Variants in FAAH2 observed in about 807,000 individuals in gnomAD.
FAAH2 encodes fatty acid amide hydrolase 2.
In FAAH2, 60 loss-of-function variants were observed where a neutral mutation model predicts 36.9. That is an observed-to-expected ratio of 1.63 (90% CI 1.32 to 2.02). The LOEUF (loss-of-function observed/expected upper bound fraction) is 2.02, where lower values mean the gene tolerates loss of function less well. Among genes scored for constraint, FAAH2 ranks in the 30% most tolerant of loss-of-function variants. The pLI is 0.00. For synonymous variants in FAAH2, 214 were observed against 143.8 expected (o/e 1.49, Z -3.49); for missense variants, 689 against 397.5 (o/e 1.73, Z -6.23).
chrX:57,311,021 G>T (rs2052677009), intron 3 of FAAH2, among the ~76,000 whole-genome samples: 1 of 111,821 alleles, frequency 8.9e-6, no homozygotes, highest in Non-Finnish European at 1.9e-5. Context: ...GAAAATTGAG[G>T]CTCATGACCC....
chrX:57,176,670 TA>T, the FAAH2 span, among the ~76,000 whole-genome samples: 1 of 112,247 alleles, frequency 8.9e-6, no homozygotes, highest in African/African-American at 3.2e-5. Context: ...TTGTCAGAAT[TA>T]TTTTTTTGGT....
At chrX:57,265,808 G>A in the FAAH2 span, among the ~76,000 whole-genome samples, 2 of 111,267 alleles carry the variant, frequency 1.8e-5, no homozygotes, top group East Asian at 5.7e-4. Flanking sequence ...GGTGGAAGTG[G>A]TACACCAGCA....
At chrX:57,436,365 A>AG (rs1346426705) in intron 8 of FAAH2, among the ~76,000 whole-genome samples, 1 of 110,561 alleles carries the variant, frequency 9.0e-6, no homozygotes, top group African/African-American at 3.3e-5. Context: ...GTTAAAAAAA[A>AG]AAATTCTAGT....
In FAAH2 at chrX:57,413,159, C is replaced by T. The variant is rs770737050; in HGVS notation, c.997-18759C>T. On this transcript the variant is annotated intron_variant, in intron 7 of 10. Coordinates refer to ENST00000374900, the MANE Select transcript of FAAH2 (RefSeq NM_174912.4). ...GATGGAGAGATTGCAAAAATTTTCT[C>T]CTATTCTGTAGGTTGCCTGTTCTCT... is the stretch of plus-strand genomic sequence containing the variant. Among the ~76,000 whole-genome samples the T allele has an allele frequency of 1.2e-3, 129 of 111,620 alleles. 1 individual carries two copies. The highest frequency in any genetic ancestry group is 3.8e-3 in the African/African-American group (118 of 30,762).
the FAAH2 span, among the ~76,000 whole-genome samples, chrX:57,157,457 G>A: frequency 8.8e-4 from 98 of 111,587 alleles, 2 homozygotes; most frequent in Middle Eastern, 9.3e-3. Flanking sequence ...CCCTCCATGG[G>A]CACCAGTAGA....
At chrX:57,345,186 T>TCCCTC (rs377410698) in intron 5 of FAAH2, among the ~76,000 whole-genome samples, 3 of 107,052 alleles carry the variant, frequency 2.8e-5, no homozygotes, top group African/African-American at 1.0e-4. Context: ...TCCCTTCCCT[T>TCCCTC]CCCTCCTCTC....
chrX:57,452,456 A>G (rs1351864805), intron 10 of FAAH2: 9 of 298,527 alleles, frequency 3.0e-5, no homozygotes, highest in Admixed American at 9.3e-5. Flanking sequence ...CACCTCCCCA[A>G]TTGATAAGCT....
At chrX:57,359,401 T>C (rs1325383737) in intron 5 of FAAH2, among the ~76,000 whole-genome samples, 1 of 111,915 alleles carries the variant, frequency 8.9e-6, no homozygotes, top group African/African-American at 3.2e-5. Flanking sequence ...TGTTTGAGTA[T>C]ATTGTTAAAT....
intron 7 of FAAH2, among the ~76,000 whole-genome samples, chrX:57,431,001 A>G (rs2056280971): frequency 9.0e-6 from 1 of 111,605 alleles, no homozygotes; most frequent in Non-Finnish European, 1.9e-5. Context: ...TTAGTGTAGG[A>G]CACCTTTTGG....
At chrX:57,178,648 C>A in the FAAH2 span, among the ~76,000 whole-genome samples, 1 of 111,854 alleles carries the variant, frequency 8.9e-6, no homozygotes, top group African/African-American at 3.3e-5. Context: ...AATCAGAGGG[C>A]AGTTCCCTAG....
rs974705003 is a variant in FAAH2 at position 57,315,362 on chromosome X, A to G, written c.412+4633A>G. On this transcript the variant is annotated intron_variant, in intron 3 of 10. Transcript: ENST00000374900. Reference sequence around the variant, plus strand: ...AGATGCTACCAATACTACTGAAACTATTCTAAAAAATGGAGGAGGAGGGAC... The same window carrying G: ...AGATGCTACCAATACTACTGAAACTGTTCTAAAAAATGGAGGAGGAGGGAC... Among the ~76,000 whole-genome samples the G allele has an allele frequency of 6.3e-5, 7 of 111,377 alleles. No homozygotes were observed. The South Asian group carries it at 2.6e-3, about 42-fold the overall frequency.
chrX:57,481,235 A>G (rs1285467756), intron 10 of FAAH2, among the ~76,000 whole-genome samples: 1 of 111,019 alleles, frequency 9.0e-6, no homozygotes, highest in Non-Finnish European at 1.9e-5. Flanking sequence ...ACTGAAGCCT[A>G]CTTCTGTCAA....
intron 7 of FAAH2, chrX:57,392,882 C>G: frequency 1.2e-6 from 1 of 818,050 alleles, no homozygotes. Flanking sequence ...TCCCAAAGCC[C>G]TGCTTTGTGT....
the FAAH2 span, among the ~76,000 whole-genome samples, chrX:57,179,777 CAT>C: frequency 8.9e-6 from 1 of 111,740 alleles, no homozygotes; most frequent in Non-Finnish European, 1.9e-5. Context: ...ATTTGATAGA[CAT>C]ATACAAAATT....
chrX:57,451,747 A>C (rs898755110), intron 10 of FAAH2, among the ~76,000 whole-genome samples: 5 of 111,730 alleles, frequency 4.5e-5, no homozygotes, highest in African/African-American at 9.8e-5. Flanking sequence ...GAGTTTGAAA[A>C]GGTAAGCATG....
At chrX:57,420,896 T>G (rs2056003150) in intron 7 of FAAH2, among the ~76,000 whole-genome samples, 1 of 112,005 alleles carries the variant, frequency 8.9e-6, no homozygotes, top group South Asian at 3.7e-4. Context: ...ATACGTCCCA[T>G]CAGTACCTAA....
chrX:57,486,949 C>A (rs1276740943), intron 10 of FAAH2, among the ~76,000 whole-genome samples: 1 of 111,537 alleles, frequency 9.0e-6, no homozygotes, highest in Non-Finnish European at 1.9e-5. Context: ...TCCTCCTATT[C>A]CGTTATCTTG....
At chrX:57,178,790 C>T in the FAAH2 span, among the ~76,000 whole-genome samples, 2 of 111,921 alleles carry the variant, frequency 1.8e-5, no homozygotes, top group African/African-American at 6.5e-5. Flanking sequence ...AGGTCTCACA[C>T]AACAGTGTTC....
chrX:57,466,191 CAT>C (rs2057047740), intron 10 of FAAH2, among the ~76,000 whole-genome samples: 1 of 96,336 alleles, frequency 1.0e-5, no homozygotes, highest in African/African-American at 3.8e-5. Context: ...CCCACACACA[CAT>C]AGTATACATA....
Sources: gnomAD v4.1 joint callset for allele counts (sites outside exome capture counted in the v4.1 genomes callset) on GRCh38, gnomAD v4.1.1 for gene constraint, MANE v1.5 for transcripts, NCBI Gene and HGNC (gene_info 2026-07-23, HGNC 2026-07-21) for gene names.